ZNF595: variants seen among roughly 807,000 people sequenced by gnomAD.
ZNF595 encodes zinc finger protein 595.
Under a neutral mutation model 19.4 loss-of-function variants are expected in ZNF595, and 9 were observed. That is an observed-to-expected ratio of 0.46 (90% CI 0.28 to 0.81). ZNF595 has a LOEUF of 0.81. Among genes scored for constraint, ZNF595 ranks in the 30% least tolerant of loss-of-function variants. The pLI is 0.11. For missense variants in ZNF595, 729 were observed against 736.0 expected (o/e 0.99, Z 0.11); for synonymous variants, 255 against 255.9 (o/e 1.00, Z 0.03).
At chr4:71,047 A>G (rs1384389070) in intron 3 of ZNF595, among the ~76,000 whole-genome samples, 1 of 152,146 alleles carries the variant, frequency 6.6e-6, no homozygotes, top group African/African-American at 2.4e-5. Context: ...TCTTCATTGT[A>G]GAGACCTTTC....
In ZNF595 at chr4:86,525, A is replaced by G. The variant is rs782462368; in HGVS notation, c.1021A>G (p.Thr341Ala). 5.0e-6 allele frequency: 8 copies of G among 1,613,992 alleles called. No individual in the cohort carries two copies. Among genetic ancestry groups the G allele is most frequent in the Non-Finnish European group, 6.8e-6 (8 of 1,179,914 alleles). ...TATTCATACTGGCGAAAAACCCTAC[A>G]CATGTGAAAAATGTGGCAAAGCTTT... is the stretch of plus-strand genomic sequence containing the variant. ...KNIHTGEKPY[T>A]CEKCGKAFNQ... Residue 341 changes from threonine to alanine, a missense_variant, in exon 4 of 4, where the codon ACA becomes GCA. Coordinates refer to ENST00000610261, the MANE Select transcript of ZNF595 (RefSeq NM_182524.4).
At chr4:54,867 C>T in intron 1 of ZNF595, among the ~76,000 whole-genome samples, 1 of 152,304 alleles carries the variant, frequency 6.6e-6, no homozygotes, top group East Asian at 1.9e-4. Flanking sequence ...TTAGTCAGTC[C>T]TGCCCTGCTC....
chr4:86,884 C>G lies in ZNF595; in HGVS notation c.1380C>G (p.Ala460=). Residue 460 remains alanine, a synonymous_variant, in exon 4 of 4, where the codon GCC becomes GCG. Transcript: ENST00000610261. ...KPYKCEECGK[A]FTRSTTLNEH... ...ACAAATGTGAAGAATGTGGCAAAGC[C>G]TTTACACGGTCCACAACACTGAACG... The G allele has an allele frequency of 6.2e-7, 1 of 1,611,530 alleles. No individual in the cohort carries two copies.
intron 3 of ZNF595, among the ~76,000 whole-genome samples, chr4:76,777 C>T (rs532409187): frequency 6.6e-6 from 1 of 152,156 alleles, no homozygotes; most frequent in Non-Finnish European, 1.5e-5. Context: ...TATGATCTCA[C>T]TCCTATCTGG....
At chr4:79,376 G>T (rs1472991538) in intron 3 of ZNF595, among the ~76,000 whole-genome samples, 1 of 152,148 alleles carries the variant, frequency 6.6e-6, no homozygotes, top group Non-Finnish European at 1.5e-5. Context: ...TCCAGGAATT[G>T]TCTTTTGTAA....
chr4:77,995 G>A (rs1181161489), intron 3 of ZNF595, among the ~76,000 whole-genome samples: 1 of 151,864 alleles, frequency 6.6e-6, no homozygotes, highest in Non-Finnish European at 1.5e-5. Flanking sequence ...AAAGTCTTCA[G>A]GGTTTTTTGT....
chr4:62,818 C>T (rs1215875436), intron 3 of ZNF595, among the ~76,000 whole-genome samples: 1 of 17,260 alleles, frequency 5.8e-5, no homozygotes, highest in Non-Finnish European at 1.1e-4. Flanking sequence ...CACTTTGATG[C>T]AGTCCCACTC....
intron 3 of ZNF595, among the ~76,000 whole-genome samples, chr4:83,914 T>A (rs1390415305): frequency 1.3e-5 from 2 of 152,094 alleles, no homozygotes; most frequent in Non-Finnish European, 2.9e-5. Context: ...TTTTACTTGA[T>A]TATTGTATTT....
intron 3 of ZNF595, among the ~76,000 whole-genome samples, chr4:79,675 GTT>G (rs202205324): frequency 7.8e-6 from 1 of 127,512 alleles, no homozygotes; most frequent in Non-Finnish European, 1.7e-5. Flanking sequence ...CAGCTTTGTT[GTT>G]TTTTTTTTTT....
At chr4:61,422 C>T (rs113168814) in intron 3 of ZNF595, among the ~76,000 whole-genome samples, 32 of 150,490 alleles carry the variant, frequency 2.1e-4, no homozygotes, top group African/African-American at 7.5e-4. Context: ...AGGCCTGAGC[C>T]ACCGTGCCTG....
At chr4:84,505 C>T (rs954906777) in intron 3 of ZNF595, among the ~76,000 whole-genome samples, 1 of 152,084 alleles carries the variant, frequency 6.6e-6, no homozygotes, top group African/African-American at 2.4e-5. Flanking sequence ...AGCTTTCTTT[C>T]AGCATTTTAA....
At position 86,955 on chromosome 4, in the gene ZNF595, A is replaced by T. The variant is rs371388773; in HGVS notation, c.1451A>T (p.Glu484Val). The T allele has an allele frequency of 8.1e-6, 13 of 1,613,794 alleles. No homozygotes were observed. Among genetic ancestry groups the T allele is most frequent in the Non-Finnish European group, 9.3e-6 (11 of 1,179,922 alleles). Reference sequence around the variant, plus strand: ...GGCGAGAAACCCTACAAATGTGAAGAATGTGGCAAAGCTTTCATATGGTCC... The same window carrying T: ...GGCGAGAAACCCTACAAATGTGAAGTATGTGGCAAAGCTTTCATATGGTCC... ...HTGEKPYKCE[E>V]CGKAFIWSAS... The change falls in exon 4 of 4, where the codon GAA (glutamate) becomes GTA (valine). Residue 484 changes from glutamate (E) to valine (V), a missense_variant. This residue lies in a region of ZNF595 where 729 missense variants were observed against 675.3 expected (regional missense o/e 1.08). Coordinates refer to ENST00000610261, the MANE Select transcript of ZNF595 (RefSeq NM_182524.4).
chr4:70,267 C>G (rs372342974), intron 3 of ZNF595, among the ~76,000 whole-genome samples: 4 of 151,852 alleles, frequency 2.6e-5, no homozygotes, highest in African/African-American at 9.7e-5. Flanking sequence ...TTTATATGGC[C>G]AGAGATAGGG....
chr4:82,671 A>C (rs1346792971), intron 3 of ZNF595, among the ~76,000 whole-genome samples: 1 of 151,910 alleles, frequency 6.6e-6, no homozygotes, highest in Non-Finnish European at 1.5e-5. Context: ...GGCATGAGCC[A>C]CTGCACCCAG....
At chr4:85,501 G>C (rs918447363) in intron 3 of ZNF595, among the ~76,000 whole-genome samples, 17 of 152,144 alleles carry the variant, frequency 1.1e-4, no homozygotes, top group African/African-American at 4.1e-4. Flanking sequence ...GTGGTTCTTA[G>C]TATTGTACTT....
Position 87,280 on chromosome 4 carries a change from C to T in ZNF595, c.1776C>T (p.Phe592=). ...HKRIHTGEKP[F]TCEECGKAFN... ...GAATTCATACTGGAGAGAAACCCTT[C>T]ACATGTGAAGAATGTGGCAAAGCCT... Residue 592 remains phenylalanine (F), a synonymous_variant, in exon 4 of 4, where the codon TTC becomes TTT. Coordinates refer to ENST00000610261, the MANE Select transcript of ZNF595 (RefSeq NM_182524.4). The T allele has an allele frequency of 9.9e-6, 16 of 1,612,238 alleles. No homozygotes were observed. The highest frequency in any genetic ancestry group is 1.4e-5 in the Non-Finnish European group (16 of 1,179,250).
At position 86,312 on chromosome 4, in the gene ZNF595, A is replaced by G. The variant is rs781800904; in HGVS notation, c.808A>G (p.Thr270Ala). 1 of 1,613,276 alleles carries G rather than the reference A, an allele frequency of 6.2e-7. No homozygotes were observed. Among genetic ancestry groups the G allele is most frequent in the East Asian group, 2.2e-5 (1 of 44,742 alleles). ...TGGCAAAGCCTTTACAAGGTCCACAACACTGAATGAACACAAGAAAATTCA... is the reference window on the plus strand; with the variant it reads ...TGGCAAAGCCTTTACAAGGTCCACAGCACTGAATGAACACAAGAAAATTCA... ...ECGKAFTRST[T>A]LNEHKKIHTG... Residue 270 changes from threonine to alanine, a missense_variant, in exon 4 of 4, where the codon ACA becomes GCA. Coordinates refer to ENST00000610261, the MANE Select transcript of ZNF595 (RefSeq NM_182524.4).
intron 3 of ZNF595, among the ~76,000 whole-genome samples, chr4:81,645 G>A (rs1453604893): frequency 5.3e-5 from 8 of 152,112 alleles, no homozygotes; most frequent in Admixed American, 5.2e-4. Flanking sequence ...TCTAGCATAT[G>A]TTTATCTTGC....
At chr4:73,616 T>C (rs4690284) in intron 3 of ZNF595, among the ~76,000 whole-genome samples, 15,833 of 152,248 alleles carry the variant, frequency 0.1, 1,052 homozygotes, top group Middle Eastern at 0.17. Context: ...ACCATAGTTA[T>C]AACTACCAAG....
Sources: allele counts gnomAD v4.1 joint callset (sites outside exome capture counted in the v4.1 genomes callset), GRCh38; gene constraint gnomAD v4.1.1; regional missense constraint gnomAD v4.1.1; transcripts MANE v1.5; gene names NCBI Gene and HGNC (gene_info 2026-07-23, HGNC 2026-07-21).